Variants in GALNTL6 observed in about 807,000 individuals in gnomAD.
GALNTL6 encodes polypeptide N-acetylgalactosaminyltransferase-like 6.
In GALNTL6, 46 loss-of-function variants were observed where a neutral mutation model predicts 73.7. The observed-to-expected ratio is 0.62, with a 90% CI of 0.49 to 0.80. GALNTL6 has a LOEUF of 0.80. Among genes scored for constraint, GALNTL6 ranks in the 30% least tolerant of loss-of-function variants. GALNTL6 has a pLI of 0.00. For missense variants in GALNTL6, 604 were observed against 755.0 expected, an observed-to-expected ratio of 0.80 and a Z score of 2.34; for synonymous variants, 259 against 263.7, an observed-to-expected ratio of 0.98 and a Z score of 0.17.
chr4:171,959,876 C>A (rs1739170666), intron 2 of GALNTL6, among the ~76,000 whole-genome samples: 1 of 152,106 alleles, frequency 6.6e-6, no homozygotes, highest in Non-Finnish European at 1.5e-5. Context: ...ATGAAAAAAC[C>A]AAAGGCCATT....
At position 172,121,257 on chromosome 4, in the gene GALNTL6, T is replaced by TTGTGTGTGTGTGTG. The variant is rs375731048; in HGVS notation, c.139-108373_139-108360dup. On this transcript the variant is annotated intron_variant, in intron 2 of 12. Coordinates refer to ENST00000506823, the MANE Select transcript of GALNTL6 (RefSeq NM_001034845.3). ...GCTTGGCAGATGTTCTCAAGAAGCA[T>TTGTGTGTGTGTGTG]TGTGTGTGTGTGTGTGTGTGTGTGT... Among the ~76,000 whole-genome samples the TTGTGTGTGTGTGTG allele has an allele frequency of 4.1e-3, 579 of 142,428 alleles. 4 individuals are homozygous for TTGTGTGTGTGTGTG. Among genetic ancestry groups the TTGTGTGTGTGTGTG allele is most frequent in the South Asian group, 3.9e-3 (16 of 4,102 alleles). 93.4% of individuals were successfully genotyped at this position (142,428 alleles called of 152,430 possible).
chr4:172,654,244 G>A (rs1222029068), intron 5 of GALNTL6, among the ~76,000 whole-genome samples: 3 of 152,090 alleles, frequency 2.0e-5, no homozygotes, highest in Non-Finnish European at 1.5e-5. Context: ...CCTTTATTCT[G>A]GTTTACATAG....
rs142686994 is a variant in GALNTL6 at position 172,211,328 on chromosome 4, A to G, written c.139-18328A>G. ...AGGCCTTCTCAGGAGGGTTATTTGT[A>G]TACTAATCATGTATTTACACGTATG... On this transcript the variant is annotated intron_variant, in intron 2 of 12. Coordinates refer to ENST00000506823, the MANE Select transcript of GALNTL6 (RefSeq NM_001034845.3). Among the ~76,000 whole-genome samples the G allele has an allele frequency of 3.8e-3, 584 of 152,286 alleles. 3 individuals are homozygous for G. The highest frequency in any genetic ancestry group is 6.7e-3 in the Non-Finnish European group (457 of 68,006).
At chr4:172,411,890 G>A (rs988771329) in intron 5 of GALNTL6, among the ~76,000 whole-genome samples, 2 of 151,934 alleles carry the variant, frequency 1.3e-5, no homozygotes, top group African/African-American at 4.8e-5. Context: ...CTTTCATGGC[G>A]TTTATATTCT....
At chr4:172,415,259 A>G (rs1262902954) in intron 5 of GALNTL6, among the ~76,000 whole-genome samples, 1 of 152,196 alleles carries the variant, frequency 6.6e-6, no homozygotes, top group Admixed American at 6.5e-5. Flanking sequence ...TTGTCTAGAA[A>G]TTTTATTAGA....
At chr4:172,943,422 C>G (rs1046025597) in intron 9 of GALNTL6, among the ~76,000 whole-genome samples, 3 of 152,166 alleles carry the variant, frequency 2.0e-5, no homozygotes, top group African/African-American at 7.2e-5. Context: ...CTATTTTATT[C>G]CCAAGTTCCT....
intron 7 of GALNTL6, among the ~76,000 whole-genome samples, chr4:172,838,031 G>A (rs1743004991): frequency 6.6e-6 from 1 of 152,092 alleles, no homozygotes; most frequent in Non-Finnish European, 1.5e-5. Flanking sequence ...GGAAAGGAAT[G>A]CCTCCAAAAC....
chr4:172,337,226 T>C (rs1226657857), intron 4 of GALNTL6, among the ~76,000 whole-genome samples: 1 of 152,146 alleles, frequency 6.6e-6, no homozygotes, highest in Non-Finnish European at 1.5e-5. Flanking sequence ...TTAATCCAGC[T>C]TGGCACCCTG....
At chr4:172,927,415 T>C (rs1193323987) in intron 8 of GALNTL6, among the ~76,000 whole-genome samples, 1 of 152,224 alleles carries the variant, frequency 6.6e-6, no homozygotes, top group Admixed American at 6.5e-5. Flanking sequence ...GTGTTAGTAA[T>C]TCACCTTTAT....
chr4:172,744,966 G>C (rs1024344883), intron 5 of GALNTL6, among the ~76,000 whole-genome samples: 1 of 151,614 alleles, frequency 6.6e-6, no homozygotes, highest in Non-Finnish European at 1.5e-5. Flanking sequence ...ATTGTTTCAT[G>C]TTATTTGATT....
intron 5 of GALNTL6, among the ~76,000 whole-genome samples, chr4:172,513,572 C>A (rs1202906120): frequency 6.6e-6 from 1 of 152,154 alleles, no homozygotes; most frequent in African/African-American, 2.4e-5. Context: ...ATCTGGGACT[C>A]AAAAACTGCT....
At chr4:172,268,606 G>T (rs931596527) in intron 3 of GALNTL6, among the ~76,000 whole-genome samples, 1 of 152,186 alleles carries the variant, frequency 6.6e-6, no homozygotes, top group African/African-American at 2.4e-5. Context: ...CGCAGTTGGG[G>T]AAACAAATCT....
intron 5 of GALNTL6, among the ~76,000 whole-genome samples, chr4:172,414,756 C>A (rs977072302): frequency 6.6e-6 from 1 of 152,164 alleles, no homozygotes; most frequent in Non-Finnish European, 1.5e-5. Context: ...TCAAAGCACT[C>A]AGATTTAAGT....
intron 10 of GALNTL6, among the ~76,000 whole-genome samples, chr4:173,005,719 G>C (rs371585694): frequency 6.6e-6 from 1 of 152,152 alleles, no homozygotes; most frequent in African/African-American, 2.4e-5. Flanking sequence ...TCTTGAGGAA[G>C]AGCTGGATAT....
At chr4:171,965,564 G>T (rs1739360002) in intron 2 of GALNTL6, among the ~76,000 whole-genome samples, 1 of 148,636 alleles carries the variant, frequency 6.7e-6, no homozygotes, top group African/African-American at 2.5e-5. Flanking sequence ...GCTGAGGCAG[G>T]AGAATGGCAT....
chr4:172,483,051 T>C (rs1733546851), intron 5 of GALNTL6, among the ~76,000 whole-genome samples: 1 of 152,052 alleles, frequency 6.6e-6, no homozygotes, highest in Non-Finnish European at 1.5e-5. Flanking sequence ...AATTGAAAAA[T>C]TGCAAATATT....
At chr4:173,012,789 C>T (rs1752611951) in intron 11 of GALNTL6, among the ~76,000 whole-genome samples, 1 of 152,158 alleles carries the variant, frequency 6.6e-6, no homozygotes, top group African/African-American at 2.4e-5. Context: ...GGGACTTTGG[C>T]TTCATTTATC....
intron 5 of GALNTL6, among the ~76,000 whole-genome samples, chr4:172,741,573 G>A (rs539866159): frequency 6.6e-6 from 1 of 151,996 alleles, no homozygotes; most frequent in Admixed American, 6.6e-5. Context: ...ATTTAGATCC[G>A]AGAGATAATA....
intron 2 of GALNTL6, among the ~76,000 whole-genome samples, chr4:171,966,697 T>G (rs1739392345): frequency 6.6e-6 from 1 of 152,046 alleles, no homozygotes. Context: ...AATTTGGGGG[T>G]TTTATCTTAT....
Sources: allele counts gnomAD v4.1 joint callset (sites outside exome capture counted in the v4.1 genomes callset), GRCh38; gene constraint gnomAD v4.1.1; transcripts MANE v1.5; gene names NCBI Gene and HGNC (gene_info 2026-07-23, HGNC 2026-07-21).